PM20D2: variants seen among roughly 807,000 people sequenced by gnomAD.
PM20D2 encodes the protein xaa-Arg dipeptidase.
A neutral mutation model predicts 42.9 loss-of-function variants in PM20D2; 33 were observed. The ratio of observed to expected loss-of-function variants is 0.77; its 90% CI spans 0.58 to 1.03. PM20D2 has a LOEUF of 1.03. Among genes scored for constraint, PM20D2 ranks in the 50% least tolerant of loss-of-function variants. The pLI, the probability that PM20D2 is intolerant of heterozygous loss-of-function variation, is 0.00. For synonymous variants in PM20D2, 250 were observed against 228.2 expected, an observed-to-expected ratio of 1.10 and a Z score of -0.86; for missense variants, 548 against 557.0, an observed-to-expected ratio of 0.98 and a Z score of 0.16.
At chr6:89,118,160 C>G in the PM20D2 span, 2 of 152,174 alleles carry the variant, frequency 1.3e-5, no homozygotes, top group African/African-American at 4.8e-5. Flanking sequence ...TTCCCAGGCC[C>G]TATGGGATCC....
chr6:89,126,273 T>C, the PM20D2 span, among the ~76,000 whole-genome samples: 1 of 151,946 alleles, frequency 6.6e-6, no homozygotes, highest in Non-Finnish European at 1.5e-5. Context: ...CACGCATCTG[T>C]AGTCCCAGCT....
In PM20D2 at chr6:89,146,424, C is replaced by T; in HGVS notation, c.280C>T (p.Pro94Ser). Reference protein sequence around the residue: ...PTAFRAEWEPPEARAPSATPR... With the variant: ...PTAFRAEWEPSEARAPSATPR... The stretch of plus-strand genomic sequence containing the variant: ...GGCCTTCCGCGCCGAGTGGGAGCCG[C>T]CGGAGGCCCGGGCACCGAGCGCCAC... The change falls in exon 1 of 7, where the codon CCG (proline) becomes TCG (serine). Residue 94 changes from proline to serine, a missense_variant. Transcript: ENST00000275072. 2.0e-6 allele frequency: 3 copies of T among 1,523,596 alleles called. No homozygotes were observed. The highest frequency in any genetic ancestry group is 2.6e-6 in the Non-Finnish European group (3 of 1,142,642). The allele number at this position is 1,523,596 out of a possible 1,614,324, so 94.4% of individuals were successfully genotyped here.
chr6:89,156,216 T>C (rs1214205817), intron 4 of PM20D2, among the ~76,000 whole-genome samples: 2 of 152,184 alleles, frequency 1.3e-5, no homozygotes, highest in Non-Finnish European at 2.9e-5. Context: ...AGTTAGTATT[T>C]AAAATCATGT....
chr6:89,132,048 A>T, the PM20D2 span, among the ~76,000 whole-genome samples: 1 of 152,188 alleles, frequency 6.6e-6, no homozygotes, highest in African/African-American at 2.4e-5. Flanking sequence ...AAGAGAAAGT[A>T]ATCAAAAGTA....
At chr6:89,132,052 A>G in the PM20D2 span, among the ~76,000 whole-genome samples, 1 of 152,204 alleles carries the variant, frequency 6.6e-6, no homozygotes, top group Non-Finnish European at 1.5e-5. Context: ...GAAAGTAATC[A>G]AAAGTACTGA....
In PM20D2 at chr6:89,153,087, A is replaced by G; in HGVS notation, c.659A>G (p.Tyr220Cys). 5.0e-6 allele frequency: 8 copies of G among 1,608,564 alleles called. No homozygotes were observed. The highest frequency in any genetic ancestry group is 6.8e-6 in the Non-Finnish European group (8 of 1,176,056). ...YYGKASHSAS[Y>C]PWEGLNALDA... ...GGAAAAGCATCTCATTCTGCTTCTT[A>G]TCCCTGGGAAGGATTAAATGCATTA... The change falls in exon 3 of 7, where the codon TAT becomes TGT. Residue 220 changes from tyrosine (Y) to cysteine (C), a missense_variant. This residue lies in a region of PM20D2 where 470 missense variants were observed against 464.4 expected (regional missense o/e 1.01). Coordinates refer to ENST00000275072, the MANE Select transcript of PM20D2 (RefSeq NM_001010853.3).
the PM20D2 span, chr6:89,117,803 C>T: frequency 1.9e-6 from 3 of 1,546,586 alleles, no homozygotes; most frequent in African/African-American, 4.3e-5. Flanking sequence ...CGCCCCCAAC[C>T]TGCAGCCGCG....
chr6:89,105,065 TATCTA>T, the PM20D2 span: 1 of 1,510,418 alleles, frequency 6.6e-7, no homozygotes, highest in South Asian at 1.3e-5. Flanking sequence ...AAAAAATATA[TATCTA>T]TTTCCCAGAA....
At chr6:89,145,255 A>G (rs1299375973), upstream of PM20D2, among the ~76,000 whole-genome samples, 1 of 152,220 alleles carries the variant, frequency 6.6e-6, no homozygotes, top group Admixed American at 6.5e-5. Flanking sequence ...TTCACTGGGT[A>G]ATTAAAAAAC....
chr6:89,134,235 C>G, the PM20D2 span, among the ~76,000 whole-genome samples: 1 of 151,144 alleles, frequency 6.6e-6, no homozygotes, highest in Non-Finnish European at 1.5e-5. Flanking sequence ...CAATCCTGAT[C>G]AAAGGTTAGT....
At chr6:89,098,586 T>C in the PM20D2 span, 8 of 1,608,516 alleles carry the variant, frequency 5.0e-6, no homozygotes, top group Non-Finnish European at 6.8e-6. Context: ...GTTCACCAAC[T>C]GTTTTTATGA....
Position 89,146,480 on chromosome 6 carries a change from C to G in PM20D2, c.336C>G (p.Cys112Trp), listed in dbSNP as rs1417043627. ...GCCCGCTGCACCTGGGCTTCCTCTG[C>G]GAGTACGACGCGCTGCCCGGCATCG... ...TPRPLHLGFL[C>W]EYDALPGIGH... Residue 112 changes from cysteine (C) to tryptophan (W), a missense_variant, in exon 1 of 7, where the codon TGC (cysteine) becomes TGG (tryptophan). Physicochemically the swap from Cys to Trp is radical, Grantham distance 215. Around this residue, in one of 3 missense-constraint regions of PM20D2, gnomAD observed 470 missense variants for 464.4 expected, o/e 1.01. Coordinates refer to ENST00000275072, the MANE Select transcript of PM20D2 (RefSeq NM_001010853.3). 6.6e-7 allele frequency: 1 copy of G among 1,523,920 alleles called. No individual in the cohort carries two copies. Among genetic ancestry groups the G allele is most frequent in the Non-Finnish European group, 8.7e-7 (1 of 1,142,990 alleles). The allele number at this position is 1,523,920 out of a possible 1,614,324, so 94.4% of individuals were successfully genotyped here. A position where few individuals can be genotyped will look rare whatever the true frequency, so the allele number is the denominator to read the frequency against.
chr6:89,118,062 G>GCTGGA, the PM20D2 span: 1 of 317,556 alleles, frequency 3.1e-6, no homozygotes, highest in African/African-American at 2.3e-5. Flanking sequence ...GCGCAGCGCG[G>GCTGGA]CGCCAGCCTG....
intron 2 of PM20D2, among the ~76,000 whole-genome samples, chr6:89,150,207 C>T (rs1435872445): frequency 6.6e-6 from 1 of 152,176 alleles, no homozygotes; most frequent in Non-Finnish European, 1.5e-5. Context: ...CCTTACCAGG[C>T]CCTGTTTTCA....
the PM20D2 span, among the ~76,000 whole-genome samples, chr6:89,115,350 C>A: frequency 2.7e-5 from 4 of 150,850 alleles, no homozygotes; most frequent in Non-Finnish European, 4.4e-5. Context: ...GGCCTGATCT[C>A]GGCTCACTGC....
the PM20D2 span, among the ~76,000 whole-genome samples, chr6:89,121,355 A>T: frequency 6.6e-6 from 1 of 152,128 alleles, no homozygotes; most frequent in African/African-American, 2.4e-5. Context: ...AGGAGAGAAC[A>T]TCGTCGGGCA....
the PM20D2 span, among the ~76,000 whole-genome samples, chr6:89,122,669 T>C: frequency 6.6e-6 from 1 of 152,220 alleles, no homozygotes; most frequent in Non-Finnish European, 1.5e-5. Context: ...AATTAAATTG[T>C]ATTTAGGTAG....
chr6:89,124,515 C>T, the PM20D2 span, among the ~76,000 whole-genome samples: 5 of 152,012 alleles, frequency 3.3e-5, no homozygotes, highest in Admixed American at 6.6e-5. Flanking sequence ...AGTTCTCTGG[C>T]GGGGAGTACT....
At chr6:89,126,668 T>TAAAAAAAA in the PM20D2 span, among the ~76,000 whole-genome samples, 5 of 104,660 alleles carry the variant, frequency 4.8e-5, no homozygotes, top group African/African-American at 1.9e-4. Context: ...AGACTCCATC[T>TAAAAAAAA]AAAAAAAAAA....
Sources: gnomAD v4.1 joint callset for allele counts (sites outside exome capture counted in the v4.1 genomes callset) on GRCh38, gnomAD v4.1.1 for gene constraint, gnomAD v4.1.1 regional missense constraint, MANE v1.5 for transcripts, NCBI Gene and HGNC (gene_info 2026-07-23, HGNC 2026-07-21) for gene names.